Variants in USP6NL observed in about 807,000 individuals in gnomAD.
USP6NL encodes USP6 N-terminal-like protein.
USP6NL carries 26 observed loss-of-function variants against 61.9 expected under a neutral mutation model. That is an observed-to-expected ratio of 0.42 (90% CI 0.31 to 0.58). The LOEUF (loss-of-function observed/expected upper bound fraction) is 0.58. USP6NL is among the 20% of genes least tolerant of loss of function. The pLI, the probability that USP6NL is intolerant of heterozygous loss-of-function variation, is 0.16. For missense variants in USP6NL, 1,114 were observed against 1,034.3 expected (o/e 1.08, Z -1.06); for synonymous variants, 432 against 390.1 (o/e 1.11, Z -1.27).
chr10:11,605,729 C>T (rs575457146), intron 1 of USP6NL, among the ~76,000 whole-genome samples: 1 of 152,074 alleles, frequency 6.6e-6, no homozygotes, highest in African/African-American at 2.4e-5. Context: ...AAATTTAAAA[C>T]CCAGGGAATA....
In USP6NL at chr10:11,471,459, AG is replaced by A. The variant is rs1591817576; in HGVS notation, c.1079-7611del. 2.6e-5 allele frequency among the ~76,000 whole-genome samples: 4 copies of A among 152,208 alleles called. No individual in the cohort carries two copies. The East Asian group carries it at 7.7e-4, about 29-fold the overall frequency. Reference sequence around the variant, plus strand: ...TAGAATTAGAAATACCATTTGACCCAGCCATCCCATTACTGGATATATACCC... The same window carrying A: ...TAGAATTAGAAATACCATTTGACCCACCATCCCATTACTGGATATATACCC... On this transcript the variant is annotated intron_variant, in intron 14 of 14. Coordinates refer to ENST00000609104, the MANE Select transcript of USP6NL (RefSeq NM_014688.5).
At chr10:11,549,910 G>A (rs1192343344) in intron 2 of USP6NL, among the ~76,000 whole-genome samples, 1 of 152,012 alleles carries the variant, frequency 6.6e-6, no homozygotes, top group South Asian at 2.1e-4. Flanking sequence ...ATTACAAAAC[G>A]GATTTATTTA....
rs371043060 is a variant in USP6NL at position 11,597,234 on chromosome 10, T to C, written c.4+397A>G. The stretch of plus-strand genomic sequence containing the variant: ...TTGATAGATTGTTAGGGGTTTTTTT[T>C]CCCTTAAATACAATATAACCCATGT... On this transcript the variant is annotated intron_variant, in intron 2 of 14. Transcript: ENST00000609104. The surrounding 1 kb of genome is among the most constrained non-coding windows in gnomAD (Gnocchi z 4.6). Among the ~76,000 whole-genome samples the C allele has an allele frequency of 7.2e-5, 11 of 152,298 alleles. No homozygotes were observed. The highest frequency in any genetic ancestry group is 3.8e-4 in the East Asian group (2 of 5,196).
At chr10:11,494,163 G>C (rs1833815721) in intron 7 of USP6NL, among the ~76,000 whole-genome samples, 1 of 152,062 alleles carries the variant, frequency 6.6e-6, no homozygotes. Context: ...AAATATTTTT[G>C]CTCAAAAGGC....
Position 11,463,467 on chromosome 10 carries a change from C to A in USP6NL, c.1461G>T (p.Trp487Cys). 2 of 1,614,044 alleles carry A rather than the reference C, an allele frequency of 1.2e-6. No homozygotes were observed. Among genetic ancestry groups the A allele is most frequent in the Non-Finnish European group, 1.7e-6 (2 of 1,179,904 alleles). Residue 487 changes from tryptophan (W) to cysteine (C), a missense_variant, in exon 15 of 15, where the codon TGG becomes TGT. Physicochemically the swap from Trp to Cys is radical, Grantham distance 215 (BLOSUM62 -2). Coordinates refer to ENST00000609104, the MANE Select transcript of USP6NL (RefSeq NM_014688.5). The surrounding 1 kb of genome is among the most constrained non-coding windows in gnomAD (Gnocchi z 6.3). The stretch of plus-strand genomic sequence containing the variant: ...TAGCTGAGACGTCTGACGGTTTATT[C>A]CATTTGGGCACAAACTCCTTCCTGA... ...SNIRKEFVPK[W>C]NKPSDVSATE...
intron 2 of USP6NL, among the ~76,000 whole-genome samples, chr10:11,543,357 C>A (rs138003747): frequency 0.022 from 3,333 of 152,120 alleles, 48 homozygotes; most frequent in South Asian, 0.065. Context: ...CTGGCTAACA[C>A]GGTGAAACCC....
At chr10:11,503,589 C>T (rs1022271522) in intron 6 of USP6NL, among the ~76,000 whole-genome samples, 2 of 152,270 alleles carry the variant, frequency 1.3e-5, no homozygotes, top group African/African-American at 4.8e-5. Flanking sequence ...TCATCCATGG[C>T]AACAATTAAT....
chr10:11,518,327 C>T lies in USP6NL; in HGVS notation c.195+208G>A, dbSNP rs4424580. On this transcript the variant is annotated intron_variant, in intron 5 of 14. Coordinates refer to ENST00000609104, the MANE Select transcript of USP6NL (RefSeq NM_014688.5). This position sits in a 1 kb window ranked among gnomAD's most constrained non-coding sequence, Gnocchi z 5.3. ...ACCTGCCAGTCTAGAATGAAGTCTG[C>T]CAACTACCTATCAGAATCTCCTAAA... Among the ~76,000 whole-genome samples, 31,676 of 152,074 alleles carry T rather than the reference C, an allele frequency of 0.21. 3,588 individuals carry two copies. Among genetic ancestry groups the T allele is most frequent in the South Asian group, 0.26 (1,242 of 4,824 alleles).
intron 2 of USP6NL, among the ~76,000 whole-genome samples, chr10:11,582,866 A>G (rs988786249): frequency 6.6e-6 from 1 of 151,130 alleles, no homozygotes; most frequent in Non-Finnish European, 1.5e-5. Context: ...TTCTTAATCT[A>G]CTGACTGTAC....
chr10:11,479,038 T>C (rs1226217661), intron 14 of USP6NL, among the ~76,000 whole-genome samples: 3 of 152,120 alleles, frequency 2.0e-5, no homozygotes, highest in African/African-American at 4.8e-5. Flanking sequence ...TCTTATTCCA[T>C]AACAAAAAGT....
At chr10:11,469,354 TA>T (rs1373016802) in intron 14 of USP6NL, among the ~76,000 whole-genome samples, 1 of 152,184 alleles carries the variant, frequency 6.6e-6, no homozygotes, top group Non-Finnish European at 1.5e-5. Flanking sequence ...TGAGTTAGAG[TA>T]ATGACACACT....
In USP6NL at chr10:11,596,186, T is replaced by C. The variant is rs1431144832; in HGVS notation, c.4+1445A>G. On this transcript the variant is annotated intron_variant, in intron 2 of 14. Transcript: ENST00000609104. This position sits in a 1 kb window ranked among gnomAD's most constrained non-coding sequence, Gnocchi z 4.1. ...AAGTAGAAGAAAATTTATTTCACTT[T>C]CCAAAAATGTAAGCGTTTTTAAGTT... 1.3e-5 allele frequency among the ~76,000 whole-genome samples: 2 copies of C among 152,228 alleles called. No homozygotes were observed. The highest frequency in any genetic ancestry group is 3.8e-4 in the East Asian group (2 of 5,206).
intron 2 of USP6NL, among the ~76,000 whole-genome samples, chr10:11,544,004 A>T (rs538044661): frequency 6.6e-6 from 1 of 151,610 alleles, no homozygotes; most frequent in East Asian, 2.0e-4. Flanking sequence ...GTAGAGACAG[A>T]GTTTCACCGT....
intron 2 of USP6NL, among the ~76,000 whole-genome samples, chr10:11,580,867 T>TGATTGATGGATG (rs1555173784): frequency 6.7e-5 from 10 of 149,744 alleles, no homozygotes; most frequent in Admixed American, 5.3e-4. Flanking sequence ...AACGGATAGA[T>TGATTGATGGATG]GATGGATGGA....
At chr10:11,556,248 G>A (rs1269014191) in intron 2 of USP6NL, among the ~76,000 whole-genome samples, 3 of 152,132 alleles carry the variant, frequency 2.0e-5, no homozygotes, top group Non-Finnish European at 4.4e-5. Flanking sequence ...ATTTGAATAA[G>A]TCAGGGATTA....
In USP6NL at chr10:11,525,798, A is replaced by G. The variant is rs781630628; in HGVS notation, c.73-330T>C. Reference sequence around the variant, plus strand: ...GGATGAGAAAGCCACTCCAGAAGAAACTGCCGAACCTTACAGTTCTAGACC... The same window carrying G: ...GGATGAGAAAGCCACTCCAGAAGAAGCTGCCGAACCTTACAGTTCTAGACC... On this transcript the variant is annotated intron_variant, in intron 3 of 14. Transcript: ENST00000609104. The surrounding 1 kb of genome is among the most constrained non-coding windows in gnomAD (Gnocchi z 5.0). Among the ~76,000 whole-genome samples the G allele has an allele frequency of 1.3e-5, 2 of 152,166 alleles. No individual in the cohort carries two copies. The highest frequency in any genetic ancestry group is 4.8e-5 in the African/African-American group (2 of 41,428).
At chr10:11,531,797 T>C (rs1055178701) in intron 2 of USP6NL, among the ~76,000 whole-genome samples, 1 of 152,164 alleles carries the variant, frequency 6.6e-6, no homozygotes. Context: ...TCAGAAGATA[T>C]TTGGATACTC....
rs570353194 is a variant in USP6NL, at chr10:11,482,259, C to T, written c.926-337G>A. The stretch of plus-strand genomic sequence containing the variant: ...ACAGACACAGAAAGACTACCTCAGC[C>T]GGCATGAGGCCTTTCTCTTTTATTG... On this transcript the variant is annotated intron_variant, in intron 13 of 14. Coordinates refer to ENST00000609104, the MANE Select transcript of USP6NL (RefSeq NM_014688.5). This position sits in a 1 kb window ranked among gnomAD's most constrained non-coding sequence, Gnocchi z 4.0. Among the ~76,000 whole-genome samples, 7 of 152,340 alleles carry T rather than the reference C, an allele frequency of 4.6e-5. No homozygotes were observed. Among genetic ancestry groups the T allele is most frequent in the Non-Finnish European group, 8.8e-5 (6 of 68,028 alleles).
intron 3 of USP6NL, among the ~76,000 whole-genome samples, chr10:11,527,112 G>A (rs1835452741): frequency 6.6e-6 from 1 of 151,910 alleles, no homozygotes; most frequent in African/African-American, 2.4e-5. Flanking sequence ...TGTACAGAGT[G>A]CTGAGGGTAG....
Sources: allele counts gnomAD v4.1 joint callset (sites outside exome capture counted in the v4.1 genomes callset), GRCh38; gene constraint gnomAD v4.1.1; non-coding constraint Gnocchi (gnomAD v3.1); transcripts MANE v1.5; gene names NCBI Gene and HGNC (gene_info 2026-07-23, HGNC 2026-07-21).